CNBD2: variants seen among roughly 807,000 people sequenced by gnomAD.
CNBD2 encodes the protein cyclic nucleotide binding domain containing 2, also known as cyclic nucleotide-binding domain-containing protein 2.
CNBD2 carries 64 observed loss-of-function variants against 63.7 expected under a neutral mutation model. The ratio of observed to expected loss-of-function variants is 1.00; its 90% CI spans 0.82 to 1.24. CNBD2 has a LOEUF of 1.24. Among genes scored for constraint, CNBD2 ranks in the 50% most tolerant of loss-of-function variants. The probability of loss-of-function intolerance (pLI) is 0.00; values close to 1 mark genes in which losing one functional copy is unlikely to be tolerated. For missense variants in CNBD2, 691 were observed against 713.5 expected, an observed-to-expected ratio of 0.97 and a Z score of 0.36; for synonymous variants, 229 against 255.4, an observed-to-expected ratio of 0.90 and a Z score of 0.99.
rs765413879 is a variant in CNBD2, at chr20:35,984,668, C to T, written c.606C>T (p.Ile202=). 14 of 1,614,050 alleles carry T rather than the reference C, an allele frequency of 8.7e-6. No individual in the cohort carries two copies. The African/African-American group carries it at 1.1e-4, about 12-fold the overall frequency. Residue 202 remains isoleucine (I), a synonymous_variant, in exon 6 of 12, where the codon ATC becomes ATT. Coordinates refer to ENST00000373973, the MANE Select transcript of CNBD2 (RefSeq NM_001365709.1). ...VLHASVRRST[I]VCMEETEFLV... is the part of the protein sequence containing the mutation. ...ATGCTTCAGTGAGGAGGTCCACCAT[C>T]GTCTGTATGGAAGAAACGGAGTTCC...
chr20:35,962,662 C>T (rs558826801), intron 2 of CNBD2, among the ~76,000 whole-genome samples: 255 of 152,260 alleles, frequency 1.7e-3, no homozygotes, highest in African/African-American at 5.9e-3. Context: ...TATAGAAGAT[C>T]CTGTGATTAT....
In CNBD2 at chr20:35,972,739, G is replaced by A; in HGVS notation, c.162G>A (p.Trp54Ter). 6.2e-7 allele frequency: 1 copy of A among 1,614,120 alleles called. No individual in the cohort carries two copies. Among genetic ancestry groups the A allele is most frequent in the Non-Finnish European group, 8.5e-7 (1 of 1,180,018 alleles). The change falls in exon 2 of 12, where the codon TGG becomes TGA. Residue 54 changes from tryptophan (W) to a stop codon, truncating the protein, a stop_gained. Transcript: ENST00000373973. LOFTEE classifies it high-confidence loss of function. Reference protein sequence around the residue: ...REYQIIETAHWKHPIFSFWDK... With the variant: ...REYQIIETAH ...ATCAAATCATTGAGACTGCTCACTG[G>A]AAGCACCCTATCTTCTCCTTCTGGG...
intron 2 of CNBD2, among the ~76,000 whole-genome samples, chr20:35,975,141 A>ACAGGCGC (rs2056486521): frequency 7.5e-6 from 1 of 133,824 alleles, no homozygotes; most frequent in Admixed American, 7.5e-5. Flanking sequence ...AGCTGGGACT[A>ACAGGCGC]CAGGCGCCCG....
intron 2 of CNBD2, among the ~76,000 whole-genome samples, chr20:35,962,118 C>T (rs923701507): frequency 1.3e-5 from 2 of 152,166 alleles, no homozygotes; most frequent in Non-Finnish European, 2.9e-5. Flanking sequence ...CTCATTGCCG[C>T]ACAGGCTGAT....
downstream of CNBD2, among the ~76,000 whole-genome samples, chr20:35,960,205 T>C (rs571282998): frequency 7.5e-4 from 114 of 152,340 alleles, 1 homozygote; most frequent in Non-Finnish European, 1.4e-3. Context: ...CATAGAACCT[T>C]AGGACAACCC....
At chr20:35,995,279 C>A in intron 8 of CNBD2, 127 bp downstream of exon 8, 1 of 587,080 alleles carries the variant, frequency 1.7e-6, no homozygotes, top group Admixed American at 3.1e-5. Context: ...CACCCTTCTA[C>A]CAGCGGTGGA....
intron 9 of CNBD2, among the ~76,000 whole-genome samples, chr20:36,010,497 G>C (rs146909378): frequency 6.6e-6 from 1 of 151,470 alleles, no homozygotes; most frequent in African/African-American, 2.4e-5. Context: ...TTGGCTGGGC[G>C]CAGTGGCTTA....
At chr20:36,017,122 A>G (rs1466494326) in intron 10 of CNBD2, among the ~76,000 whole-genome samples, 1 of 151,264 alleles carries the variant, frequency 6.6e-6, no homozygotes, top group African/African-American at 2.4e-5. Context: ...ACGCTTGGCT[A>G]TGAGCTGATC....
intron 5 of CNBD2, 120 bp from the exon 6 acceptor site, chr20:35,984,507 A>G: frequency 9.6e-7 from 1 of 1,046,072 alleles, no homozygotes; most frequent in Non-Finnish European, 1.4e-6. Flanking sequence ...AGGCTAGGGA[A>G]CACACAGTCT....
intron 10 of CNBD2, among the ~76,000 whole-genome samples, chr20:36,013,310 C>T (rs913129232): frequency 4.0e-5 from 6 of 151,820 alleles, no homozygotes; most frequent in African/African-American, 1.2e-4. Context: ...TCCAGCTACT[C>T]GGGAGGCTGA....
intron 4 of CNBD2, among the ~76,000 whole-genome samples, chr20:35,981,963 G>A (rs573826412): frequency 2.0e-4 from 31 of 152,324 alleles, no homozygotes; most frequent in Middle Eastern, 3.4e-3. Context: ...GTCAGGGAAG[G>A]CTTCCTGGAG....
intron 10 of CNBD2, among the ~76,000 whole-genome samples, chr20:36,019,053 G>T (rs1779930497): frequency 6.6e-6 from 1 of 152,178 alleles, no homozygotes; most frequent in African/African-American, 2.4e-5. Context: ...CCCTTATGGG[G>T]CTTATGATCT....
At position 35,972,647 on chromosome 20, in the gene CNBD2, A is replaced by G; in HGVS notation, c.70A>G (p.Met24Val). The G allele has an allele frequency of 6.2e-7, 1 of 1,614,150 alleles. No individual in the cohort carries two copies. The highest frequency in any genetic ancestry group is 1.1e-5 in the South Asian group (1 of 91,074). The change falls in exon 2 of 12, where the codon ATG becomes GTG. Residue 24 changes from methionine to valine, a missense_variant. Transcript: ENST00000373973. ...TCCATAGGGACTGTACCAGCTCGCC[A>G]TGGATATCATCATAATGATCCGAGT... ...KKELGLYQLA[M>V]DIIIMIRVCK...
chr20:35,997,366 C>T (rs566860196), intron 8 of CNBD2, among the ~76,000 whole-genome samples: 7 of 152,198 alleles, frequency 4.6e-5, no homozygotes, highest in African/African-American at 1.4e-4. Flanking sequence ...AGGAGAAGGG[C>T]GGAAAAAGGA....
At chr20:35,975,878 G>C (rs1177257160) in intron 2 of CNBD2, 71 bp from the exon 3 acceptor site, 1 of 1,375,548 alleles carries the variant, frequency 7.3e-7, no homozygotes, top group African/African-American at 1.4e-5. Flanking sequence ...GTAGACAGGA[G>C]GGCTCTAGAT....
downstream of CNBD2, among the ~76,000 whole-genome samples, chr20:35,956,533 C>G (rs1254919089): frequency 6.6e-6 from 1 of 152,144 alleles, no homozygotes; most frequent in African/African-American, 2.4e-5. Flanking sequence ...TACTGTTGCT[C>G]TCAGGTTGTT....
At chr20:35,980,741 GTCT>G (rs2056587512) in intron 4 of CNBD2, 119 bp downstream of exon 4, 2 of 901,516 alleles carry the variant, frequency 2.2e-6, no homozygotes, top group Non-Finnish European at 3.3e-6. Context: ...CATGAATGAA[GTCT>G]TCTGTCCATT....
chr20:35,967,192 T>C (rs1232653012), upstream of CNBD2, among the ~76,000 whole-genome samples: 3 of 149,514 alleles, frequency 2.0e-5, no homozygotes, highest in African/African-American at 7.3e-5. Flanking sequence ...GACTCCCACC[T>C]GCTCATTCCC....
At position 35,996,516 on chromosome 20, in the gene CNBD2, T is replaced by G. The variant is rs573540801; in HGVS notation, c.970+1364T>G. Among the ~76,000 whole-genome samples, 528 of 151,268 alleles carry G rather than the reference T, an allele frequency of 3.5e-3. 8 individuals carry two copies. Among genetic ancestry groups the G allele is most frequent in the Non-Finnish European group, 3.0e-3 (206 of 67,698 alleles). ...ATAATAGCTCTCTTTTTGTTTTTTT[T>G]TTTTTTTTGGAGACAGAGTCTCACT... On this transcript the variant is annotated intron_variant, in intron 8 of 11. Transcript: ENST00000373973.
Sources: allele counts gnomAD v4.1 joint callset (sites outside exome capture counted in the v4.1 genomes callset), GRCh38; gene constraint gnomAD v4.1.1; transcripts MANE v1.5; gene names NCBI Gene and HGNC (gene_info 2026-07-23, HGNC 2026-07-21).